Variants in UBASH3B observed in about 807,000 individuals in gnomAD.
UBASH3B encodes the protein ubiquitin associated and SH3 domain containing B, also known as ubiquitin-associated and SH3 domain-containing protein B.
Under a neutral mutation model 83.4 loss-of-function variants are expected in UBASH3B, and 37 were observed. That is an observed-to-expected ratio of 0.44 (90% CI 0.34 to 0.58). UBASH3B has a LOEUF of 0.58. Ranked by LOEUF, UBASH3B falls within the 20% of genes least tolerant of loss-of-function variation. UBASH3B has a pLI of 0.01. For missense variants in UBASH3B, 657 were observed against 827.2 expected (o/e 0.79, Z 2.52); for synonymous variants, 304 against 318.3 (o/e 0.96, Z 0.48).
intron 1 of UBASH3B, among the ~76,000 whole-genome samples, chr11:122,750,201 G>C (rs1279829947): frequency 6.6e-6 from 1 of 152,200 alleles, no homozygotes; most frequent in Admixed American, 6.5e-5. Flanking sequence ...TGCTGCCTGG[G>C]CTAGGGGAAC....
chr11:122,808,246 T>G, intron 13 of UBASH3B, 70 bp downstream of exon 13: 1 of 1,215,894 alleles, frequency 8.2e-7, no homozygotes, highest in Admixed American at 1.7e-5. Context: ...ACTGGCTGAT[T>G]ACCAAGTTCT....
At chr11:122,779,408 G>A in intron 3 of UBASH3B, 89 bp from the exon 4 acceptor site, 1 of 1,446,082 alleles carries the variant, frequency 6.9e-7, no homozygotes, top group Non-Finnish European at 9.7e-7. Context: ...GCCTCCTCCA[G>A]TCTCTGGGGA....
intron 5 of UBASH3B, among the ~76,000 whole-genome samples, chr11:122,785,344 C>T (rs1464433794): frequency 6.6e-6 from 1 of 152,228 alleles, no homozygotes; most frequent in African/African-American, 2.4e-5. Flanking sequence ...ACGTAACCCT[C>T]TTCTTGCCTG....
chr11:122,804,598 A>G (rs948274831), intron 11 of UBASH3B, among the ~76,000 whole-genome samples: 2 of 152,188 alleles, frequency 1.3e-5, no homozygotes, highest in Admixed American at 1.3e-4. Context: ...TTTGTCATCC[A>G]TAAACAGCAT....
At chr11:122,698,275 T>C (rs1863989732) in intron 1 of UBASH3B, among the ~76,000 whole-genome samples, 1 of 151,624 alleles carries the variant, frequency 6.6e-6, no homozygotes, top group African/African-American at 2.4e-5. Context: ...CATACCCCCA[T>C]AGTCACGCCA....
intron 1 of UBASH3B, among the ~76,000 whole-genome samples, chr11:122,702,628 G>A (rs533144067): frequency 1.4e-3 from 216 of 151,988 alleles, no homozygotes; most frequent in African/African-American, 5.0e-3. Context: ...GAGTTCAAGC[G>A]ATTCTCCTGC....
intron 13 of UBASH3B, among the ~76,000 whole-genome samples, chr11:122,809,331 T>C (rs1337972531): frequency 6.6e-6 from 1 of 152,236 alleles, no homozygotes; most frequent in Non-Finnish European, 1.5e-5. Context: ...CGCCTCGGCC[T>C]CCCAAAGTAC....
chr11:122,704,470 G>C (rs1375725736), intron 1 of UBASH3B, among the ~76,000 whole-genome samples: 1 of 152,048 alleles, frequency 6.6e-6, no homozygotes, highest in Admixed American at 6.6e-5. Context: ...GCGTGTTAGA[G>C]AGGCCACTTT....
intron 1 of UBASH3B, among the ~76,000 whole-genome samples, chr11:122,723,361 T>C (rs1356938520): frequency 6.6e-6 from 1 of 152,232 alleles, no homozygotes; most frequent in Non-Finnish European, 1.5e-5. Flanking sequence ...TAGTGAATAG[T>C]AGAGCCAAGT....
intron 1 of UBASH3B, among the ~76,000 whole-genome samples, chr11:122,740,077 C>G (rs2135959375): frequency 6.6e-6 from 1 of 152,268 alleles, no homozygotes. Flanking sequence ...TTGTCATATT[C>G]ATTTAATAAA....
intron 1 of UBASH3B, among the ~76,000 whole-genome samples, chr11:122,685,791 A>T (rs1002583308): frequency 9.2e-5 from 14 of 152,200 alleles, no homozygotes; most frequent in African/African-American, 3.4e-4. Context: ...AAGTGCTGGG[A>T]TTACAGGCGT....
chr11:122,799,668 G>A (rs1169447853), intron 10 of UBASH3B, among the ~76,000 whole-genome samples: 6 of 152,154 alleles, frequency 3.9e-5, no homozygotes, highest in Non-Finnish European at 8.8e-5. Flanking sequence ...TTGGTCTGTT[G>A]TTTGCCTCCT....
intron 1 of UBASH3B, among the ~76,000 whole-genome samples, chr11:122,681,007 C>T (rs1199945832): frequency 6.6e-6 from 1 of 152,136 alleles, no homozygotes; most frequent in Non-Finnish European, 1.5e-5. Flanking sequence ...CATTTCAATA[C>T]CTGAAATAAG....
At chr11:122,714,969 G>A (rs1407703841) in intron 1 of UBASH3B, among the ~76,000 whole-genome samples, 1 of 152,124 alleles carries the variant, frequency 6.6e-6, no homozygotes, top group Non-Finnish European at 1.5e-5. Context: ...TTTTTGAGAT[G>A]GAGTCTCGCT....
At chr11:122,803,567 G>A (rs1861290849) in intron 11 of UBASH3B, among the ~76,000 whole-genome samples, 1 of 152,164 alleles carries the variant, frequency 6.6e-6, no homozygotes, top group Admixed American at 6.5e-5. Flanking sequence ...AACAACCCCA[G>A]CCTTGAGGAG....
chr11:122,671,237 A>G (rs373066306), intron 1 of UBASH3B, among the ~76,000 whole-genome samples: 38 of 152,180 alleles, frequency 2.5e-4, no homozygotes, highest in Middle Eastern at 3.4e-3. Flanking sequence ...GTCAAGAAAA[A>G]TCCATGGGCC....
intron 1 of UBASH3B, among the ~76,000 whole-genome samples, chr11:122,719,965 A>T (rs1359365597): frequency 6.6e-6 from 1 of 151,672 alleles, no homozygotes; most frequent in Non-Finnish European, 1.5e-5. Flanking sequence ...TTCTGCTCCA[A>T]CTCCTTGGCT....
chr11:122,743,515 C>A (rs919889642), intron 1 of UBASH3B, among the ~76,000 whole-genome samples: 3 of 152,212 alleles, frequency 2.0e-5, no homozygotes, highest in African/African-American at 7.2e-5. Context: ...TCCTGGCTGA[C>A]TGATTAAGTC....
Position 122,790,316 on chromosome 11 carries a change from A to G in UBASH3B, c.980+1008A>G, listed in dbSNP as rs77518754. 0.011 allele frequency among the ~76,000 whole-genome samples: 1,619 copies of G among 152,224 alleles called. 88 individuals carry two copies. In the East Asian group the frequency reaches 0.17, roughly 16 times the overall value. Reference sequence around the variant, plus strand: ...ATGGGAAAGAATATTTTCTTCCTCAATAACCCCACCCAGCAATCCCTCCCC... The same window carrying G: ...ATGGGAAAGAATATTTTCTTCCTCAGTAACCCCACCCAGCAATCCCTCCCC... On this transcript the variant is annotated intron_variant, in intron 6 of 13. Transcript: ENST00000284273.
Sources: allele counts gnomAD v4.1 joint callset (sites outside exome capture counted in the v4.1 genomes callset), GRCh38; gene constraint gnomAD v4.1.1; transcripts MANE v1.5; gene names NCBI Gene and HGNC (gene_info 2026-07-23, HGNC 2026-07-21).